ARMH3: variants seen among roughly 807,000 people sequenced by gnomAD.
The protein encoded by ARMH3 is armadillo like helical domain containing 3.
ARMH3 carries 60 observed loss-of-function variants against 99.1 expected under a neutral mutation model. The ratio of observed to expected loss-of-function variants is 0.61; its 90% CI spans 0.49 to 0.75. The LOEUF is 0.75. ARMH3 is among the 30% of genes least tolerant of loss of function. ARMH3 has a pLI of 0.00. For missense variants in ARMH3, 679 were observed against 843.1 expected (o/e 0.81, Z 2.41); for synonymous variants, 285 against 292.8 (o/e 0.97, Z 0.27).
chr10:101,960,351 T>A (rs1296799850), intron 20 of ARMH3, among the ~76,000 whole-genome samples: 1 of 152,198 alleles, frequency 6.6e-6, no homozygotes, highest in Non-Finnish European at 1.5e-5. Context: ...CTGTTCAGTG[T>A]CCTATACACC....
chr10:101,865,336 A>C (rs1426169109), intron 24 of ARMH3, among the ~76,000 whole-genome samples: 1 of 152,188 alleles, frequency 6.6e-6, no homozygotes, highest in Non-Finnish European at 1.5e-5. Flanking sequence ...AATATACACA[A>C]GTCTATTATA....
intron 5 of ARMH3, among the ~76,000 whole-genome samples, chr10:102,028,838 T>G (rs2067058739): frequency 6.6e-6 from 1 of 152,228 alleles, no homozygotes; most frequent in South Asian, 2.1e-4. Context: ...TATAATTCTA[T>G]GAATATACTA....
chr10:101,852,633 C>T (rs1233403446), intron 24 of ARMH3, among the ~76,000 whole-genome samples: 1 of 152,046 alleles, frequency 6.6e-6, no homozygotes, highest in African/African-American at 2.4e-5. Context: ...CCTATAATCC[C>T]AGCAACTTTG....
chr10:102,053,592 T>G (rs566104186), intron 1 of ARMH3, among the ~76,000 whole-genome samples: 2 of 152,084 alleles, frequency 1.3e-5, no homozygotes, highest in East Asian at 3.9e-4. Flanking sequence ...CCAACTCAAG[T>G]ATCTCCCCCC....
chr10:101,964,305 T>C (rs951682003), intron 20 of ARMH3, among the ~76,000 whole-genome samples: 1 of 152,324 alleles, frequency 6.6e-6, no homozygotes, highest in Admixed American at 6.5e-5. Context: ...CCATCACTCC[T>C]GGCCAGCTCA....
At chr10:102,019,572 C>T (rs576244790) in intron 8 of ARMH3, among the ~76,000 whole-genome samples, 1 of 152,132 alleles carries the variant, frequency 6.6e-6, no homozygotes, top group East Asian at 1.9e-4. Flanking sequence ...CTGTATAGGC[C>T]TATGCTAATT....
chr10:101,965,218 T>C (rs757745798), intron 20 of ARMH3, among the ~76,000 whole-genome samples: 39 of 152,188 alleles, frequency 2.6e-4, no homozygotes, highest in Non-Finnish European at 4.7e-4. Context: ...GGTCAATGTT[T>C]TTCTTTCCAC....
chr10:101,921,535 A>T (rs1314309812), intron 23 of ARMH3, among the ~76,000 whole-genome samples: 1 of 152,218 alleles, frequency 6.6e-6, no homozygotes, highest in Non-Finnish European at 1.5e-5. Context: ...CTGCACTCTT[A>T]TGTTTACTGC....
chr10:102,050,729 T>G (rs755196465), intron 1 of ARMH3, among the ~76,000 whole-genome samples: 1 of 151,388 alleles, frequency 6.6e-6, no homozygotes, highest in Non-Finnish European at 1.5e-5. Flanking sequence ...TGGTGGCACA[T>G]GCCTGTAGTC....
intron 24 of ARMH3, among the ~76,000 whole-genome samples, chr10:101,878,505 A>G (rs2067325319): frequency 6.6e-6 from 1 of 151,708 alleles, no homozygotes; most frequent in Non-Finnish European, 1.5e-5. Flanking sequence ...CAGACATGGT[A>G]GCACATGCCT....
chr10:102,024,186 C>T (rs2136171000), intron 6 of ARMH3, among the ~76,000 whole-genome samples: 1 of 152,336 alleles, frequency 6.6e-6, no homozygotes, highest in Admixed American at 6.5e-5. Context: ...CGCAGTGGCT[C>T]ACGCCTGGAA....
chr10:101,855,770 ATATAT>A (rs950482310), intron 24 of ARMH3, among the ~76,000 whole-genome samples: 9 of 147,336 alleles, frequency 6.1e-5, no homozygotes, highest in Non-Finnish European at 1.2e-4. Flanking sequence ...TTATATATAA[ATATAT>A]TATATATATA....
At chr10:101,912,774 C>T (rs994339107) in intron 23 of ARMH3, among the ~76,000 whole-genome samples, 1 of 152,194 alleles carries the variant, frequency 6.6e-6, no homozygotes, top group Non-Finnish European at 1.5e-5. Flanking sequence ...AGTCTTTCAG[C>T]ATTAAATATG....
At chr10:101,880,119 T>A (rs996941419) in intron 24 of ARMH3, among the ~76,000 whole-genome samples, 1 of 152,226 alleles carries the variant, frequency 6.6e-6, no homozygotes, top group African/African-American at 2.4e-5. Flanking sequence ...GCAACCATCA[T>A]TCATGGCTAC....
At chr10:102,052,886 C>T (rs1019246467) in intron 1 of ARMH3, among the ~76,000 whole-genome samples, 5 of 152,058 alleles carry the variant, frequency 3.3e-5, no homozygotes, top group Non-Finnish European at 7.4e-5. Context: ...AACCTGAGCT[C>T]GGCATACCAA....
intron 17 of ARMH3, among the ~76,000 whole-genome samples, chr10:101,993,246 G>A (rs865791636): frequency 4.0e-5 from 6 of 150,240 alleles, no homozygotes; most frequent in Admixed American, 6.6e-5. Flanking sequence ...ACTCCAGCCT[G>A]GGGGGGAGAG....
intron 19 of ARMH3, among the ~76,000 whole-genome samples, chr10:101,982,021 C>CAAAAAAA (rs71016356): frequency 6.1e-4 from 36 of 58,912 alleles, no homozygotes; most frequent in East Asian, 1.3e-3. Flanking sequence ...GACTCTATCT[C>CAAAAAAA]AAAAAAAAAA....
At chr10:101,938,177 A>T (rs1844075370) in intron 23 of ARMH3, among the ~76,000 whole-genome samples, 1 of 152,190 alleles carries the variant, frequency 6.6e-6, no homozygotes, top group South Asian at 2.1e-4. Context: ...CCATGACTGG[A>T]TCTTTTTGCT....
chr10:101,966,128 A>T (rs1590099815), intron 20 of ARMH3, among the ~76,000 whole-genome samples: 1 of 131,852 alleles, frequency 7.6e-6, no homozygotes, highest in African/African-American at 2.9e-5. Context: ...TTTTAGACAG[A>T]GTCTCACTCT....
Sources: allele counts gnomAD v4.1 joint callset (sites outside exome capture counted in the v4.1 genomes callset), GRCh38; gene constraint gnomAD v4.1.1; transcripts MANE v1.5; gene names NCBI Gene and HGNC (gene_info 2026-07-23, HGNC 2026-07-21).